Variants in ZNF292 observed in about 807,000 individuals in gnomAD.
ZNF292 encodes the protein 16 zinc-finger domain protein.
In ZNF292, 26 loss-of-function variants were observed where a neutral mutation model predicts 217.9. The ratio of observed to expected loss-of-function variants is 0.12; its 90% CI spans 0.09 to 0.17. ZNF292 has a LOEUF of 0.17. ZNF292 is among the 10% of genes least tolerant of loss of function. ZNF292 has a pLI of 1.00. For synonymous variants in ZNF292, 1,257 were observed against 1,124.1 expected (o/e 1.12, Z -2.37); for missense variants, 2,904 against 3,175.2 (o/e 0.91, Z 2.05).
chr6:87,230,937 G>A (rs1011564421), intron 4 of ZNF292, among the ~76,000 whole-genome samples: 8 of 152,124 alleles, frequency 5.3e-5, no homozygotes, highest in African/African-American at 1.9e-4. Flanking sequence ...TGACACATGA[G>A]TAAAATTATA....
intron 4 of ZNF292, among the ~76,000 whole-genome samples, chr6:87,231,008 C>T (rs902701513): frequency 1.4e-4 from 21 of 151,978 alleles, no homozygotes; most frequent in Admixed American, 8.5e-4. Context: ...AAATTTGATA[C>T]GTCTAAGCTA....
intron 1 of ZNF292, 55 bp from the exon 2 acceptor site, chr6:87,215,848 C>A: frequency 1.4e-6 from 2 of 1,381,684 alleles, no homozygotes; most frequent in South Asian, 1.5e-5. Flanking sequence ...GCTGATGAGT[C>A]AATGTATATT....
At position 87,261,177 on chromosome 6, in the gene ZNF292, A is replaced by C; in HGVS notation, c.7548A>C (p.Glu2516Asp). 1 of 1,613,180 alleles carries C rather than the reference A, an allele frequency of 6.2e-7. No individual in the cohort carries two copies. The highest frequency in any genetic ancestry group is 2.2e-5 in the East Asian group (1 of 44,870). ...CAAATGTAAGTAATGATTTTCAGGA[A>C]GATAACCTCTGCCAGTCAGAAAGAC... Reference protein sequence around the residue: ...TSSNVSNDFQEDNLCQSERQK... With the variant: ...TSSNVSNDFQDDNLCQSERQK... Residue 2516 changes from glutamate to aspartate, a missense_variant, in exon 8 of 8, where the codon GAA becomes GAC. Physicochemically the swap from Glu to Asp is conservative, Grantham distance 45. Transcript: ENST00000369577.
In ZNF292 at chr6:87,256,151, C is replaced by T. The variant is rs373163635; in HGVS notation, c.2522C>T (p.Pro841Leu). Residue 841 changes from proline to leucine, a missense_variant, in exon 8 of 8, where the codon CCT (proline) becomes CTT (leucine). By Grantham distance (98) the Pro-to-Leu change is moderately conservative (BLOSUM62 -3). Around this residue, in one of 15 missense-constraint regions of ZNF292, gnomAD observed 687 missense variants for 623.0 expected, o/e 1.10. Transcript: ENST00000369577. ...ACTCCTCCTGAAAAAGTGCTGCCTCCTGAAGCCCAACTTAATTCATCTGGA... is the reference window on the plus strand; with the variant it reads ...ACTCCTCCTGAAAAAGTGCTGCCTCTTGAAGCCCAACTTAATTCATCTGGA... Reference protein sequence around the residue: ...HSTPPEKVLPPEAQLNSSGDS... With the variant: ...HSTPPEKVLPLEAQLNSSGDS... 5.0e-6 allele frequency: 8 copies of T among 1,613,722 alleles called. No homozygotes were observed. The African/African-American group carries it at 8.0e-5, about 16-fold the overall frequency.
At position 87,243,448 on chromosome 6, in the gene ZNF292, G is replaced by A; in HGVS notation, c.742-27G>A. On this transcript the variant is annotated intron_variant, in intron 5 of 7. Coordinates refer to ENST00000369577, the MANE Select transcript of ZNF292 (RefSeq NM_015021.3). ...TATTCTAATATAAAACCATTTTGTG[G>A]CATATTTCTATTGGCTTTTTCTTTA... 7 of 1,518,310 alleles carry A rather than the reference G, an allele frequency of 4.6e-6. No homozygotes were observed. In the South Asian group the frequency reaches 9.1e-5, roughly 20 times the overall value. 94.1% of individuals were successfully genotyped at this position (1,518,310 alleles called of 1,614,324 possible). A position where few individuals can be genotyped will look rare whatever the true frequency, so the allele number is the denominator to read the frequency against.
chr6:87,178,276 G>T (rs1185063573), intron 1 of ZNF292, among the ~76,000 whole-genome samples: 1 of 152,160 alleles, frequency 6.6e-6, no homozygotes, highest in Non-Finnish European at 1.5e-5. Flanking sequence ...AACATGCCTA[G>T]TTTGCTGAAT....
At chr6:87,218,497 T>C in intron 3 of ZNF292, 99 bp from the exon 4 acceptor site, 1 of 964,830 alleles carries the variant, frequency 1.0e-6, no homozygotes, top group South Asian at 2.6e-5. Context: ...ATTTTTAAGA[T>C]GAAAGTCTTT....
chr6:87,188,823 A>G (rs1398300176), intron 1 of ZNF292, among the ~76,000 whole-genome samples: 1 of 151,704 alleles, frequency 6.6e-6, no homozygotes, highest in African/African-American at 2.4e-5. Context: ...ATGGCTGGCT[A>G]TATATTAATC....
chr6:87,257,973 T>G lies in ZNF292; in HGVS notation c.4344T>G (p.Phe1448Leu). Residue 1448 changes from phenylalanine to leucine, a missense_variant, in exon 8 of 8, where the codon TTT becomes TTG. Coordinates refer to ENST00000369577, the MANE Select transcript of ZNF292 (RefSeq NM_015021.3). ...CTACCTTCAATCCAGAAGCATGTTT[T>G]AAAGATCCATCATTTCTACAGCTTC... ...QQSTFNPEACFKDPSFLQLLA... is the reference protein window; with the variant it reads ...QQSTFNPEACLKDPSFLQLLA... 6.2e-7 allele frequency: 1 copy of G among 1,613,950 alleles called. No homozygotes were observed. The highest frequency in any genetic ancestry group is 8.5e-7 in the Non-Finnish European group (1 of 1,179,828).
At chr6:87,252,750 A>C (rs1210068391) in intron 7 of ZNF292, among the ~76,000 whole-genome samples, 1 of 152,176 alleles carries the variant, frequency 6.6e-6, no homozygotes, top group Non-Finnish European at 1.5e-5. Context: ...GCAGCCCCTT[A>C]AGGCATGTAA....
chr6:87,256,170 A>G lies in ZNF292; in HGVS notation c.2541A>G (p.Ser847=), dbSNP rs1340061635. ...KVLPPEAQLN[S]SGDSIQPSEV... ...TGCCTCCTGAAGCCCAACTTAATTC[A>G]TCTGGAGATTCCATTCAGCCTTCTG... The change falls in exon 8 of 8, where the codon TCA becomes TCG. Residue 847 remains serine, a synonymous_variant. Transcript: ENST00000369577. 3 of 1,613,854 alleles carry G rather than the reference A, an allele frequency of 1.9e-6. No individual in the cohort carries two copies. Among genetic ancestry groups the G allele is most frequent in the Non-Finnish European group, 2.5e-6 (3 of 1,179,840 alleles).
chr6:87,238,691 T>A (rs9362412), intron 5 of ZNF292, among the ~76,000 whole-genome samples: 27,802 of 144,714 alleles, frequency 0.19, 2,667 homozygotes, highest in African/African-American at 0.23. Flanking sequence ...ATTTATATAT[T>A]TTTTTTTTAA....
chr6:87,222,490 T>C (rs1773133433), intron 4 of ZNF292, among the ~76,000 whole-genome samples: 2 of 151,968 alleles, frequency 1.3e-5, no homozygotes, highest in African/African-American at 4.8e-5. Context: ...GACAAATGTT[T>C]GGCTAAAGTT....
chr6:87,218,219 A>G (rs978390923), intron 3 of ZNF292, among the ~76,000 whole-genome samples: 1 of 152,132 alleles, frequency 6.6e-6, no homozygotes. Context: ...TCGTTATGCA[A>G]ATCTTTTTAT....
intron 4 of ZNF292, 113 bp downstream of exon 4, chr6:87,218,844 T>A: frequency 8.4e-7 from 1 of 1,196,238 alleles, no homozygotes; most frequent in Non-Finnish European, 1.1e-6. Flanking sequence ...ACCATTTAAT[T>A]AAATATCTTC....
In ZNF292 at chr6:87,255,328, G is replaced by A. The variant is rs1775149667; in HGVS notation, c.1699G>A (p.Gly567Arg). ...ACATGCTCAGAAACATTACAAAGAT[G>A]GAATTTATAGTTGCCCCATATGTGC... is the stretch of plus-strand genomic sequence containing the variant. ...VRHAQKHYKD[G>R]IYSCPICAKN... The change falls in exon 8 of 8, where the codon GGA becomes AGA. Residue 567 changes from glycine to arginine, a missense_variant. Physicochemically the swap from Gly to Arg is moderately radical, Grantham distance 125. Transcript: ENST00000369577. The A allele has an allele frequency of 6.2e-7, 1 of 1,613,698 alleles. No homozygotes were observed. Among genetic ancestry groups the A allele is most frequent in the Non-Finnish European group, 8.5e-7 (1 of 1,179,798 alleles).
intron 1 of ZNF292, among the ~76,000 whole-genome samples, chr6:87,212,520 A>G (rs571265717): frequency 2.6e-5 from 4 of 152,174 alleles, no homozygotes; most frequent in Non-Finnish European, 5.9e-5. Context: ...TAACATGAAA[A>G]AGACACTTAC....
At chr6:87,208,178 A>AT (rs1273334750) in intron 1 of ZNF292, among the ~76,000 whole-genome samples, 2 of 152,036 alleles carry the variant, frequency 1.3e-5, no homozygotes, top group African/African-American at 4.8e-5. Context: ...CACCAATCTT[A>AT]TTTTGATCCT....
chr6:87,163,885 C>T (rs1350379058), intron 1 of ZNF292, among the ~76,000 whole-genome samples: 1 of 152,068 alleles, frequency 6.6e-6, no homozygotes, highest in African/African-American at 2.4e-5. Flanking sequence ...AGATTAAAAC[C>T]AGACTAAGAC....
Sources: allele counts gnomAD v4.1 joint callset (sites outside exome capture counted in the v4.1 genomes callset), GRCh38; gene constraint gnomAD v4.1.1; regional missense constraint gnomAD v4.1.1; transcripts MANE v1.5; gene names NCBI Gene and HGNC (gene_info 2026-07-23, HGNC 2026-07-21).